Variants in ZNF277 observed in about 807,000 individuals in gnomAD.
ZNF277 encodes nuclear receptor-interacting factor 4.
In ZNF277, 55 loss-of-function variants were observed where a neutral mutation model predicts 60.7. The observed-to-expected ratio is 0.91, with a 90% CI of 0.73 to 1.13. ZNF277 has a LOEUF of 1.13. Among genes scored for constraint, ZNF277 ranks in the 50% most tolerant of loss-of-function variants. The probability of loss-of-function intolerance (pLI) is 0.00; values close to 1 mark genes in which losing one functional copy is unlikely to be tolerated. For missense variants in ZNF277, 510 were observed against 523.0 expected, an observed-to-expected ratio of 0.98 and a Z score of 0.24; for synonymous variants, 178 against 179.3, an observed-to-expected ratio of 0.99 and a Z score of 0.06.
At chr7:112,330,366 T>G (rs536809446) in intron 7 of ZNF277, 150 bp downstream of exon 7, 11 of 712,882 alleles carry the variant, frequency 1.5e-5, no homozygotes, top group Non-Finnish European at 2.3e-5. Flanking sequence ...TTTGAAATGG[T>G]TAGAGTACAA....
intron 6 of ZNF277, among the ~76,000 whole-genome samples, chr7:112,329,458 C>T (rs1355395413): frequency 3.3e-5 from 5 of 152,152 alleles, no homozygotes; most frequent in Admixed American, 6.5e-5. Flanking sequence ...ATGGTAGTAA[C>T]AGCTACTATT....
intron 1 of ZNF277, among the ~76,000 whole-genome samples, chr7:112,255,465 A>C (rs961114479): frequency 1.3e-5 from 2 of 152,236 alleles, no homozygotes; most frequent in Admixed American, 6.5e-5. Flanking sequence ...GGATGTGGTA[A>C]CAGAGCCTAA....
intron 5 of ZNF277, among the ~76,000 whole-genome samples, chr7:112,324,532 A>G (rs1434415679): frequency 6.6e-6 from 1 of 152,340 alleles, no homozygotes; most frequent in South Asian, 2.1e-4. Flanking sequence ...AAAATCTGAC[A>G]TGAAGCAGAT....
At chr7:112,257,848 C>G (rs1005444281) in intron 1 of ZNF277, among the ~76,000 whole-genome samples, 2 of 151,964 alleles carry the variant, frequency 1.3e-5, no homozygotes, top group Admixed American at 1.3e-4. Context: ...GGGTCTTGCT[C>G]TGTTGCCCAG....
chr7:112,266,802 C>T (rs986167865), intron 1 of ZNF277, among the ~76,000 whole-genome samples: 1 of 152,158 alleles, frequency 6.6e-6, no homozygotes, highest in South Asian at 2.1e-4. Flanking sequence ...CGAAATATCC[C>T]TGGGCTATTT....
intron 1 of ZNF277, among the ~76,000 whole-genome samples, chr7:112,246,452 A>C (rs890539594): frequency 2.0e-5 from 3 of 152,158 alleles, no homozygotes; most frequent in South Asian, 2.1e-4. Context: ...ATTTGTCCAC[A>C]AAGAGCTTAA....
chr7:112,336,243 A>T, intron 8 of ZNF277, 72 bp downstream of exon 8: 1 of 1,379,902 alleles, frequency 7.2e-7, no homozygotes, highest in Non-Finnish European at 9.9e-7. Flanking sequence ...AGTTTGGTTT[A>T]AATTATGAAG....
chr7:112,229,472 T>C (rs1013122296), intron 1 of ZNF277, among the ~76,000 whole-genome samples: 2 of 152,224 alleles, frequency 1.3e-5, no homozygotes, highest in African/African-American at 2.4e-5. Flanking sequence ...AACCAACTTA[T>C]AAGAAACTGT....
chr7:112,246,297 G>A (rs1587113093), intron 1 of ZNF277, among the ~76,000 whole-genome samples: 4 of 152,228 alleles, frequency 2.6e-5, no homozygotes, highest in African/African-American at 9.6e-5. Context: ...AGAAAGCTGA[G>A]GTGGGACAAT....
At chr7:112,230,047 T>TGCGAAAGAACTTGGAGTTTCGCCAC (rs1822281654) in intron 1 of ZNF277, among the ~76,000 whole-genome samples, 1 of 152,220 alleles carries the variant, frequency 6.6e-6, no homozygotes, top group Admixed American at 6.5e-5. Context: ...TTGTGGGCCA[T>TGCGAAAGAACTTGGAGTTTCGCCAC]GCGAAAGAAC....
chr7:112,223,069 G>T (rs1822076572), intron 1 of ZNF277, among the ~76,000 whole-genome samples: 1 of 152,164 alleles, frequency 6.6e-6, no homozygotes, highest in African/African-American at 2.4e-5. Flanking sequence ...GGCCTATTGT[G>T]GGACCTTGTG....
chr7:112,265,490 C>T (rs1314719302), intron 1 of ZNF277, among the ~76,000 whole-genome samples: 1 of 151,986 alleles, frequency 6.6e-6, no homozygotes. Flanking sequence ...TCACAGATCG[C>T]CATATCAGAT....
At chr7:112,324,600 C>T (rs1793057455) in intron 5 of ZNF277, among the ~76,000 whole-genome samples, 1 of 152,162 alleles carries the variant, frequency 6.6e-6, no homozygotes, top group Non-Finnish European at 1.5e-5. Context: ...CCTTTACCAA[C>T]CAGCAACTGT....
intron 1 of ZNF277, among the ~76,000 whole-genome samples, chr7:112,207,380 C>T (rs2116933100): frequency 6.6e-6 from 1 of 152,262 alleles, no homozygotes; most frequent in South Asian, 2.1e-4. Flanking sequence ...TGGTTAACTG[C>T]TCTGGGTGTT....
chr7:112,296,378 TG>T (rs1792330881), intron 4 of ZNF277, 67 bp downstream of exon 4: 5 of 786,370 alleles, frequency 6.4e-6, no homozygotes, highest in Non-Finnish European at 9.5e-6. Flanking sequence ...AAAATCATAT[TG>T]GTTTTTTTTT....
chr7:112,206,895 G>A (rs971486739), intron 1 of ZNF277, 88 bp downstream of exon 1: 1 of 1,364,560 alleles, frequency 7.3e-7, no homozygotes, highest in Non-Finnish European at 1.0e-6. Context: ...GACCCTAGGA[G>A]CCCTTCAGCT....
At chr7:112,342,513 CTG>C in intron 11 of ZNF277, 46 bp from the exon 12 acceptor site, 2 of 1,405,816 alleles carry the variant, frequency 1.4e-6, no homozygotes, top group South Asian at 1.7e-5. Context: ...TACCTGGACA[CTG>C]TATTAGCTTG....
intron 1 of ZNF277, among the ~76,000 whole-genome samples, chr7:112,271,560 A>G (rs1054109475): frequency 7.9e-5 from 12 of 152,194 alleles, no homozygotes; most frequent in Non-Finnish European, 1.6e-4. Context: ...GCTTATAACT[A>G]CATTTTTTAA....
At position 112,318,297 on chromosome 7, in the gene ZNF277, T is replaced by C. The variant is rs763894313; in HGVS notation, c.557+24T>C. On this transcript the variant is annotated intron_variant, in intron 5 of 11. Transcript: ENST00000361822. Reference sequence around the variant, plus strand: ...AGGTTTGCCATTTTGCATCTTTAAATGTTACTGTTTTTAATCTGAAAACTC... The same window carrying C: ...AGGTTTGCCATTTTGCATCTTTAAACGTTACTGTTTTTAATCTGAAAACTC... 16 of 1,591,420 alleles carry C rather than the reference T, an allele frequency of 1.0e-5. No individual in the cohort carries two copies. The South Asian group carries it at 1.7e-4, about 16-fold the overall frequency.
Sources: allele counts gnomAD v4.1 joint callset (sites outside exome capture counted in the v4.1 genomes callset), GRCh38; gene constraint gnomAD v4.1.1; transcripts MANE v1.5; gene names NCBI Gene and HGNC (gene_info 2026-07-23, HGNC 2026-07-21).